The following CBLC variants were observed in gnomAD, a reference collection of about 807,000 sequenced individuals.
The protein encoded by CBLC is Cbl proto-oncogene C, also known as E3 ubiquitin-protein ligase CBL-C.
A neutral mutation model predicts 58.6 loss-of-function variants in CBLC; 46 were observed. The observed-to-expected ratio is 0.79, with a 90% CI of 0.62 to 1.00. CBLC has a LOEUF of 1.00. Among genes scored for constraint, CBLC ranks in the 50% least tolerant of loss-of-function variants. CBLC has a pLI of 0.00. For synonymous variants in CBLC, 271 were observed against 264.2 expected (o/e 1.03, Z -0.25); for missense variants, 655 against 625.8 (o/e 1.05, Z -0.50).
At chr19:44,787,373 G>C (rs28465377) in intron 5 of CBLC, among the ~76,000 whole-genome samples, 1 of 151,806 alleles carries the variant, frequency 6.6e-6, no homozygotes, top group Non-Finnish European at 1.5e-5. Context: ...CAGCCTGGGT[G>C]ACAGAACCAG....
chr19:44,778,171 A>G lies in CBLC; in HGVS notation c.240A>G (p.Leu80=), dbSNP rs774931320. The G allele has an allele frequency of 3.5e-5, 54 of 1,552,286 alleles. No individual in the cohort carries two copies. The highest frequency in any genetic ancestry group is 4.4e-5 in the Non-Finnish European group (51 of 1,153,396). ...GTCCCGGCGGCTCTGGGGACTTTCT[A>G]CTCATCTACCTGGCCAATCTGGAGG... ...PGGPGGSGDF[L]LIYLANLEAK... The change falls in exon 1 of 11, where the codon CTA becomes CTG. Residue 80 remains leucine, a synonymous_variant. Coordinates refer to ENST00000647358, the MANE Select transcript of CBLC (RefSeq NM_012116.4).
chr19:44,781,680 G>A (rs1599858699), intron 3 of CBLC, among the ~76,000 whole-genome samples: 1 of 128,302 alleles, frequency 7.8e-6, no homozygotes. Flanking sequence ...AAGGCCTGGG[G>A]CCTGGACTCC....
At chr19:44,784,232 C>A in intron 4 of CBLC, 32 bp from the exon 5 acceptor site, 1 of 1,546,646 alleles carries the variant, frequency 6.5e-7, no homozygotes, top group South Asian at 1.2e-5. Flanking sequence ...GTGACCACTC[C>A]CTCACCCCAT....
chr19:44,791,625 C>A (rs911864923), intron 6 of CBLC, among the ~76,000 whole-genome samples: 6 of 150,718 alleles, frequency 4.0e-5, no homozygotes, highest in African/African-American at 1.5e-4. Context: ...CCCAGCTACT[C>A]AGGAGGCTGA....
At chr19:44,792,342 C>T (rs369317297) in intron 6 of CBLC, 41 bp from the exon 7 acceptor site, 114 of 1,608,576 alleles carry the variant, frequency 7.1e-5, no homozygotes, top group Non-Finnish European at 9.1e-5. Context: ...CCGTGGCTGA[C>T]GCATGCCCCT....
At position 44,780,893 on chromosome 19, in the gene CBLC, C is replaced by T. The variant is rs755764885; in HGVS notation, c.354-12C>T. 1.2e-6 allele frequency: 2 copies of T among 1,609,636 alleles called. No homozygotes were observed. Among genetic ancestry groups the T allele is most frequent in the South Asian group, 2.2e-5 (2 of 90,878 alleles). ...CCCCAAGGATAGCCAGAGTCCTTGCCCATCCCCACAGGCGACAGCTGGCCA... is the reference window on the plus strand; with the variant it reads ...CCCCAAGGATAGCCAGAGTCCTTGCTCATCCCCACAGGCGACAGCTGGCCA... On this transcript the variant is annotated splice_polypyrimidine_tract_variant and intron_variant, in intron 1 of 10. Transcript: ENST00000647358.
intron 6 of CBLC, among the ~76,000 whole-genome samples, chr19:44,791,834 A>G (rs1387254653): frequency 2.6e-5 from 4 of 150,988 alleles, no homozygotes; most frequent in Non-Finnish European, 5.9e-5. Context: ...GGTTTGGTTT[A>G]TTATTTTTTT....
chr19:44,799,290 T>G (rs1167584755), intron 9 of CBLC, among the ~76,000 whole-genome samples: 3 of 152,296 alleles, frequency 2.0e-5, no homozygotes, highest in Non-Finnish European at 4.4e-5. Context: ...TGAGCTATGG[T>G]CCCATCACTG....
At chr19:44,794,152 A>G (rs1968127333) in intron 8 of CBLC, 52 bp from the exon 9 acceptor site, 1 of 1,571,902 alleles carries the variant, frequency 6.4e-7, no homozygotes. Flanking sequence ...CATGGAGGCG[A>G]GAAGAAAATG....
rs767823003 is a variant in CBLC at position 44,777,903 on chromosome 19, C to A, written c.-29C>A. ...GAGGCCGCCCCTATCCCAGCCGCAC[C>A]GGTCCTTCCCGGCACACGCGAGGCT... is the stretch of plus-strand genomic sequence containing the variant. On this transcript the variant is annotated 5_prime_UTR_variant, in exon 1 of 11. Coordinates refer to ENST00000647358, the MANE Select transcript of CBLC (RefSeq NM_012116.4). 49 of 1,510,132 alleles carry A rather than the reference C, an allele frequency of 3.2e-5. No homozygotes were observed. The highest frequency in any genetic ancestry group is 4.2e-5 in the Non-Finnish European group (48 of 1,137,544). The allele number at this position is 1,510,132 out of a possible 1,614,324, so 93.5% of individuals were successfully genotyped here.
Position 44,800,616 on chromosome 19 carries a change from C to CT in CBLC, c.*74dup. 1.8e-6 allele frequency: 1 copy of CT among 562,646 alleles called. No individual in the cohort carries two copies. The highest frequency in any genetic ancestry group is 3.2e-6 in the Non-Finnish European group (1 of 313,654). The allele number at this position is 562,646 out of a possible 1,614,324, so 34.9% of individuals were successfully genotyped here. A position where few individuals can be genotyped will look rare whatever the true frequency, so the allele number is the denominator to read the frequency against. ...AAGGGGGTTGTGAAACCGAAATAAA[C>CT]TGCCAAGCCTGGTCTGTCCTCCAGG... On this transcript the variant is annotated 3_prime_UTR_variant, in exon 11 of 11. Transcript: ENST00000647358.
rs1393155314 is a variant in CBLC, at chr19:44,778,277, A to C, written c.346A>C (p.Arg116=). Reference sequence around the variant, plus strand: ...CGACGAGCTCTTCCGGGCGGGCTCCAGACTCAGGTGAGCCTTCGCCCCAGA... The same window carrying C: ...CGACGAGCTCTTCCGGGCGGGCTCCCGACTCAGGTGAGCCTTCGCCCCAGA... ...ANDELFRAGS[R]LRRQLAKLAI... is the part of the protein sequence containing the mutation. The change falls in exon 1 of 11, where the codon AGA becomes CGA. Residue 116 remains arginine, a synonymous_variant. Transcript: ENST00000647358. 1.4e-6 allele frequency: 2 copies of C among 1,436,650 alleles called. No individual in the cohort carries two copies. The highest frequency in any genetic ancestry group is 1.5e-5 in the South Asian group (1 of 67,036). The allele number at this position is 1,436,650 out of a possible 1,614,324, so 89.0% of individuals were successfully genotyped here. A position where few individuals can be genotyped will look rare whatever the true frequency, so the allele number is the denominator to read the frequency against.
intron 9 of CBLC, 93 bp downstream of exon 9, chr19:44,794,374 G>A: frequency 8.5e-7 from 1 of 1,175,564 alleles, no homozygotes; most frequent in East Asian, 2.6e-5. Flanking sequence ...GCCAGGGCAG[G>A]GACTCATCCT....
intron 4 of CBLC, 106 bp from the exon 5 acceptor site, chr19:44,784,157 GT>G: frequency 1.9e-6 from 2 of 1,043,380 alleles, no homozygotes; most frequent in South Asian, 4.0e-5. Context: ...GAAGCTGGGG[GT>G]GAGGACCTAG....
intron 9 of CBLC, among the ~76,000 whole-genome samples, 185 bp downstream of exon 9, chr19:44,794,466 T>TC (rs1599873164): frequency 7.0e-6 from 1 of 142,144 alleles, no homozygotes; most frequent in African/African-American, 2.6e-5. Context: ...TCTTTTTTTT[T>TC]TTTTTTTTTT....
At position 44,787,646 on chromosome 19, in the gene CBLC, G is replaced by A. The variant is rs542146943; in HGVS notation, c.918-2358G>A. ...AGCCTGGCCGACATGGTGAAACCCC[G>A]TCTCTACTAAAAATACAAAAATTAA... is the stretch of plus-strand genomic sequence containing the variant. On this transcript the variant is annotated intron_variant, in intron 5 of 10. Coordinates refer to ENST00000647358, the MANE Select transcript of CBLC (RefSeq NM_012116.4). Among the ~76,000 whole-genome samples, 470 of 150,248 alleles carry A rather than the reference G, an allele frequency of 3.1e-3. 3 individuals carry two copies. The highest frequency in any genetic ancestry group is 0.011 in the African/African-American group (451 of 41,000).
Position 44,781,194 on chromosome 19 carries a change from C to T in CBLC, c.501-13C>T, listed in dbSNP as rs753565633. Reference sequence around the variant, plus strand: ...GGCCTCAGCGGTGTCTCCCCCACCCCTCTCCCACCCAGGTGTGTGCTGCCC... The same window carrying T: ...GGCCTCAGCGGTGTCTCCCCCACCCTTCTCCCACCCAGGTGTGTGCTGCCC... On this transcript the variant is annotated splice_polypyrimidine_tract_variant and intron_variant, in intron 2 of 10. Coordinates refer to ENST00000647358, the MANE Select transcript of CBLC (RefSeq NM_012116.4). 1.9e-6 allele frequency: 3 copies of T among 1,603,434 alleles called. No homozygotes were observed. In the African/African-American group the frequency reaches 4.0e-5, roughly 21 times the overall value.
chr19:44,778,013 C>CT lies in CBLC; in HGVS notation c.83dup (p.Glu29ArgfsTer146), dbSNP rs771859187. 2 of 1,609,466 alleles carry CT rather than the reference C, an allele frequency of 1.2e-6. No homozygotes were observed. Among genetic ancestry groups the CT allele is most frequent in the South Asian group, 2.2e-5 (2 of 91,064 alleles). On this transcript the variant is annotated frameshift_variant, in exon 1 of 11. Coordinates refer to ENST00000647358, the MANE Select transcript of CBLC (RefSeq NM_012116.4). LOFTEE classifies it high-confidence loss of function. ...CCGGGCAGTCAGGATGCTGCAGCGC[C>CT]TAGAAGAGCAATGCGTCGACCCCCG... is the stretch of plus-strand genomic sequence containing the variant.
chr19:44,787,549 G>A (rs1967942254), intron 5 of CBLC, among the ~76,000 whole-genome samples: 3 of 150,942 alleles, frequency 2.0e-5, no homozygotes, highest in African/African-American at 7.3e-5. Flanking sequence ...TTACACGGTG[G>A]CTCACACGTG....
Sources: allele counts gnomAD v4.1 joint callset (sites outside exome capture counted in the v4.1 genomes callset), GRCh38; gene constraint gnomAD v4.1.1; transcripts MANE v1.5; gene names NCBI Gene and HGNC (gene_info 2026-07-23, HGNC 2026-07-21).